Variants in PDE4B observed in about 807,000 individuals in gnomAD.
PDE4B encodes phosphodiesterase 4B, also known as 3',5'-cyclic-AMP phosphodiesterase 4B.
PDE4B carries 20 observed loss-of-function variants against 82.2 expected under a neutral mutation model. That is an observed-to-expected ratio of 0.24 (90% CI 0.17 to 0.35). PDE4B has a LOEUF of 0.35. PDE4B is among the 10% of genes least tolerant of loss of function. PDE4B has a pLI of 1.00. For synonymous variants in PDE4B, 320 were observed against 318.9 expected (o/e 1.00, Z -0.04); for missense variants, 655 against 907.2 (o/e 0.72, Z 3.57).
At chr1:65,951,690 C>T (rs114925956) in intron 3 of PDE4B, among the ~76,000 whole-genome samples, 20 of 152,152 alleles carry the variant, frequency 1.3e-4, no homozygotes, top group South Asian at 2.1e-4. Flanking sequence ...AAAATCCATG[C>T]GGAAATGAGG....
chr1:66,081,901 C>T lies in PDE4B; in HGVS notation c.281+163066C>T, dbSNP rs1043213907. Reference sequence around the variant, plus strand: ...ATACTCTGGATTTGCAAAAACACCACTTTGCCCATTAAAATAGCATGTACT... The same window carrying T: ...ATACTCTGGATTTGCAAAAACACCATTTTGCCCATTAAAATAGCATGTACT... On this transcript the variant is annotated intron_variant, in intron 3 of 16. Transcript: ENST00000341517. Among the ~76,000 whole-genome samples the T allele has an allele frequency of 2.0e-5, 3 of 150,598 alleles. No individual in the cohort carries two copies. In the Admixed American group the frequency reaches 2.0e-4, roughly 10 times the overall value.
At chr1:65,857,699 T>G (rs1399271926) in intron 1 of PDE4B, among the ~76,000 whole-genome samples, 1 of 152,218 alleles carries the variant, frequency 6.6e-6, no homozygotes, top group African/African-American at 2.4e-5. Context: ...TTTTTTCCTG[T>G]TTTAATCATT....
At chr1:66,079,961 T>A (rs534401349) in intron 3 of PDE4B, among the ~76,000 whole-genome samples, 1 of 152,264 alleles carries the variant, frequency 6.6e-6, no homozygotes, top group African/African-American at 2.4e-5. Flanking sequence ...AATGGCCTGC[T>A]GTTTTAAACG....
intron 3 of PDE4B, among the ~76,000 whole-genome samples, chr1:66,195,229 C>G (rs193200326): frequency 6.6e-6 from 1 of 152,138 alleles, no homozygotes; most frequent in African/African-American, 2.4e-5. Flanking sequence ...ACTCTGGCAC[C>G]AGATGAATAG....
chr1:66,013,997 G>T (rs1190879298), intron 3 of PDE4B, among the ~76,000 whole-genome samples: 1 of 152,030 alleles, frequency 6.6e-6, no homozygotes, highest in Non-Finnish European at 1.5e-5. Context: ...ATCCTAATGG[G>T]TGTTAGATGG....
chr1:66,001,242 G>C (rs918520745), intron 3 of PDE4B, among the ~76,000 whole-genome samples: 1 of 152,184 alleles, frequency 6.6e-6, no homozygotes, highest in African/African-American at 2.4e-5. Context: ...AAAGTTGAAA[G>C]AATAGTACAA....
At chr1:65,922,558 T>C (rs1258413173) in intron 3 of PDE4B, among the ~76,000 whole-genome samples, 1 of 152,180 alleles carries the variant, frequency 6.6e-6, no homozygotes, top group African/African-American at 2.4e-5. Context: ...AACCTATAAT[T>C]GCATAGATGC....
intron 3 of PDE4B, among the ~76,000 whole-genome samples, chr1:66,233,389 TG>T (rs1410218048): frequency 6.6e-6 from 1 of 152,218 alleles, no homozygotes; most frequent in Non-Finnish European, 1.5e-5. Flanking sequence ...CTGTTACATT[TG>T]GATTGTTTCC....
intron 1 of PDE4B, among the ~76,000 whole-genome samples, chr1:65,821,676 T>A (rs1391112113): frequency 6.6e-6 from 1 of 152,220 alleles, no homozygotes; most frequent in Non-Finnish European, 1.5e-5. Flanking sequence ...AAACAGAAAC[T>A]CAGAATTGAG....
At chr1:65,911,546 T>C (rs1647091232) in intron 1 of PDE4B, among the ~76,000 whole-genome samples, 2 of 152,118 alleles carry the variant, frequency 1.3e-5, no homozygotes, top group Non-Finnish European at 2.9e-5. Context: ...TAACCCTAAC[T>C]ATAGAGGCCC....
At position 66,153,913 on chromosome 1, in the gene PDE4B, C is replaced by T. The variant is rs143935161; in HGVS notation, c.282-93547C>T. The stretch of plus-strand genomic sequence containing the variant: ...GAGGTTCGCTGATCCAAAAATATCT[C>T]TGTTGCTAAGATGCCTGATATACCA... On this transcript the variant is annotated intron_variant, in intron 3 of 16. Coordinates refer to ENST00000341517, the MANE Select transcript of PDE4B (RefSeq NM_002600.4). Among the ~76,000 whole-genome samples the T allele has an allele frequency of 2.5e-3, 378 of 152,314 alleles. 3 individuals carry two copies. The highest frequency in any genetic ancestry group is 8.6e-3 in the African/African-American group (356 of 41,558).
At chr1:66,351,708 T>A (rs1228518558) in intron 8 of PDE4B, among the ~76,000 whole-genome samples, 1 of 152,168 alleles carries the variant, frequency 6.6e-6, no homozygotes, top group Non-Finnish European at 1.5e-5. Context: ...TGAGAGGTGA[T>A]GTAACTACAC....
intron 10 of PDE4B, among the ~76,000 whole-genome samples, chr1:66,362,317 C>A (rs1662844795): frequency 6.6e-6 from 1 of 152,176 alleles, no homozygotes; most frequent in Non-Finnish European, 1.5e-5. Context: ...AGCACTGACT[C>A]TGGAGCCCAA....
chr1:66,099,229 T>C (rs1221768048), intron 3 of PDE4B, among the ~76,000 whole-genome samples: 3 of 152,140 alleles, frequency 2.0e-5, no homozygotes, highest in Non-Finnish European at 2.9e-5. Flanking sequence ...CTTGATTTTC[T>C]GTTCCTGTGT....
rs528713357 is a variant in PDE4B at position 65,942,561 on chromosome 1, G to C, written c.281+23726G>C. On this transcript the variant is annotated intron_variant, in intron 3 of 16. Transcript: ENST00000341517. Reference sequence around the variant, plus strand: ...GTATACCCAGTAGTGAGATTTCTGGGTCATATGGTAGCTCTATTTTTAAGT... The same window carrying C: ...GTATACCCAGTAGTGAGATTTCTGGCTCATATGGTAGCTCTATTTTTAAGT... 5.3e-5 allele frequency among the ~76,000 whole-genome samples: 8 copies of C among 151,956 alleles called. No homozygotes were observed. In the East Asian group the frequency reaches 1.4e-3, roughly 26 times the overall value.
intron 3 of PDE4B, among the ~76,000 whole-genome samples, chr1:66,215,578 G>A (rs1650386166): frequency 6.6e-6 from 1 of 152,086 alleles, no homozygotes; most frequent in African/African-American, 2.4e-5. Flanking sequence ...AGCTGTACAA[G>A]GGCTTAGATT....
At chr1:66,319,012 A>C (rs1659206622) in intron 7 of PDE4B, among the ~76,000 whole-genome samples, 1 of 152,370 alleles carries the variant, frequency 6.6e-6, no homozygotes, top group African/African-American at 2.4e-5. Context: ...CTTTGTTTGC[A>C]GAAGAAAATC....
chr1:66,089,447 C>T (rs1176668695), intron 3 of PDE4B, among the ~76,000 whole-genome samples: 1 of 151,998 alleles, frequency 6.6e-6, no homozygotes, highest in East Asian at 1.9e-4. Context: ...ATAATGAAAG[C>T]AAGATATGGC....
At chr1:66,261,355 A>G (rs535862633) in intron 6 of PDE4B, among the ~76,000 whole-genome samples, 9 of 152,236 alleles carry the variant, frequency 5.9e-5, no homozygotes, top group Admixed American at 1.3e-4. Flanking sequence ...CCCCACCCGA[A>G]CACACACACA....
Sources: gnomAD v4.1 joint callset for allele counts (sites outside exome capture counted in the v4.1 genomes callset) on GRCh38, gnomAD v4.1.1 for gene constraint, MANE v1.5 for transcripts, NCBI Gene and HGNC (gene_info 2026-07-23, HGNC 2026-07-21) for gene names.